The following SH3RF1 variants were observed in gnomAD, a reference collection of about 807,000 sequenced individuals.
SH3RF1 encodes the protein E3 ubiquitin-protein ligase SH3RF1.
In SH3RF1, 32 loss-of-function variants were observed where a neutral mutation model predicts 74.0. The ratio of observed to expected loss-of-function variants is 0.43; its 90% confidence interval spans 0.33 to 0.58. The LOEUF is 0.58. Among genes scored for constraint, SH3RF1 ranks in the 20% least tolerant of loss-of-function variants. The pLI, the probability that SH3RF1 is intolerant of heterozygous loss-of-function variation, is 0.05. For missense variants in SH3RF1, 954 were observed against 1,130.9 expected (o/e 0.84, Z 2.24); for synonymous variants, 396 against 439.6 (o/e 0.90, Z 1.24).
chr4:169,244,508 C>T (rs1401709838), intron 2 of SH3RF1, among the ~76,000 whole-genome samples: 3 of 151,996 alleles, frequency 2.0e-5, no homozygotes, highest in East Asian at 1.9e-4. Context: ...CACACTACAC[C>T]GTCAATGGCA....
chr4:169,186,856 A>G (rs1478143075), intron 2 of SH3RF1, among the ~76,000 whole-genome samples: 1 of 150,056 alleles, frequency 6.7e-6, no homozygotes, highest in Admixed American at 6.6e-5. Flanking sequence ...AATACAAAAA[A>G]AAAAAAAATT....
intron 2 of SH3RF1, among the ~76,000 whole-genome samples, chr4:169,218,541 T>C (rs1024756328): frequency 6.7e-6 from 1 of 149,666 alleles, no homozygotes; most frequent in African/African-American, 2.5e-5. Flanking sequence ...ACTGGCCTGG[T>C]GCAAAAACTC....
chr4:169,110,691 T>C (rs939121057), intron 10 of SH3RF1, among the ~76,000 whole-genome samples: 6 of 151,694 alleles, frequency 4.0e-5, no homozygotes, highest in Non-Finnish European at 8.8e-5. Flanking sequence ...TAAGGGAGAG[T>C]CATTGGGAAT....
In SH3RF1 at chr4:169,116,425, A is replaced by C. The variant is rs376019289; in HGVS notation, c.1983T>G (p.Ala661=). Residue 661 remains alanine, a synonymous_variant, in exon 10 of 12, where the codon GCT becomes GCG. Coordinates refer to ENST00000284637, the MANE Select transcript of SH3RF1 (RefSeq NM_020870.4). The stretch of plus-strand genomic sequence containing the variant: ...TGATGCTTGGGGAAGTCAGTGGAGC[A>C]GCTGCTGCACAGGCCAGAGGGGCAC... The part of the protein sequence containing the change: ...RASAPLACAA[A]APLTSPSITS... The C allele has an allele frequency of 9.9e-6, 16 of 1,614,066 alleles. No homozygotes were observed. The highest frequency in any genetic ancestry group is 1.4e-5 in the Non-Finnish European group (16 of 1,180,034).
At chr4:169,190,588 CA>C (rs752110476) in intron 2 of SH3RF1, among the ~76,000 whole-genome samples, 101 of 136,636 alleles carry the variant, frequency 7.4e-4, no homozygotes, top group East Asian at 2.8e-3. Context: ...TTAAAATTAC[CA>C]AAAAAAAAAA....
rs759145576 is a variant in SH3RF1, at chr4:169,116,469, T to C, written c.1939A>G (p.Ile647Val). ...MPGSATHTAA[I>V]SISRASAPLA... is the part of the protein sequence containing the mutation. Reference sequence around the variant, plus strand: ...GGGGCACTGGCTCGACTGATACTGATGGCAGCAGTGTGCGTGGCTGAGCCT... The same window carrying C: ...GGGGCACTGGCTCGACTGATACTGACGGCAGCAGTGTGCGTGGCTGAGCCT... Residue 647 changes from isoleucine (I) to valine (V), a missense_variant, in exon 10 of 12, where the codon ATC becomes GTC. This residue lies in a region of SH3RF1 where 854 missense variants were observed against 962.5 expected (regional missense o/e 0.89). Transcript: ENST00000284637. The C allele has an allele frequency of 3.7e-6, 6 of 1,614,046 alleles. No homozygotes were observed. In the East Asian group the frequency reaches 8.9e-5, roughly 24 times the overall value.
At chr4:169,238,938 G>C (rs918943905) in intron 2 of SH3RF1, among the ~76,000 whole-genome samples, 3 of 147,828 alleles carry the variant, frequency 2.0e-5, no homozygotes, top group African/African-American at 7.4e-5. Flanking sequence ...AAAACTGACA[G>C]GTAAATGACT....
intron 2 of SH3RF1, among the ~76,000 whole-genome samples, chr4:169,249,097 G>A (rs1467401281): frequency 3.9e-5 from 6 of 152,082 alleles, no homozygotes; most frequent in African/African-American, 1.4e-4. Flanking sequence ...GCATGGTGGT[G>A]GGCGCCTGTA....
At chr4:169,230,138 A>G (rs1275713553) in intron 2 of SH3RF1, among the ~76,000 whole-genome samples, 1 of 152,200 alleles carries the variant, frequency 6.6e-6, no homozygotes, top group Non-Finnish European at 1.5e-5. Flanking sequence ...CCAGGGGCGG[A>G]GGCTGCAGTG....
In SH3RF1 at chr4:169,107,125, G is replaced by A; in HGVS notation, c.2220C>T (p.Pro740=). The part of the protein sequence containing the change: ...RKPRVSPPAS[P]TLEVELGSAE... ...CACTGCCCAGCTCCACTTCTAGGGTGGGCGATGCTGGAGGAGACACGCGGG... is the reference window on the plus strand; with the variant it reads ...CACTGCCCAGCTCCACTTCTAGGGTAGGCGATGCTGGAGGAGACACGCGGG... The change falls in exon 11 of 12, where the codon CCC becomes CCT. Residue 740 remains proline (P), a synonymous_variant. Transcript: ENST00000284637. The A allele has an allele frequency of 1.9e-6, 3 of 1,611,006 alleles. No individual in the cohort carries two copies. Among genetic ancestry groups the A allele is most frequent in the Non-Finnish European group, 8.5e-7 (1 of 1,177,902 alleles).
At chr4:169,181,344 C>T (rs1415592717) in intron 2 of SH3RF1, among the ~76,000 whole-genome samples, 1 of 147,138 alleles carries the variant, frequency 6.8e-6, no homozygotes, top group Non-Finnish European at 1.5e-5. Context: ...TTCACTGCAA[C>T]CTCCGCCTTC....
Position 169,138,245 on chromosome 4 carries a change from C to T in SH3RF1, c.766-1625G>A, listed in dbSNP as rs565423258. Reference sequence around the variant, plus strand: ...ATGCTTTATATTATAGTGGGAGTGGCCTGAACCTCACTGTAGAGCTCTAAT... The same window carrying T: ...ATGCTTTATATTATAGTGGGAGTGGTCTGAACCTCACTGTAGAGCTCTAAT... On this transcript the variant is annotated intron_variant, in intron 4 of 11. Coordinates refer to ENST00000284637, the MANE Select transcript of SH3RF1 (RefSeq NM_020870.4). Among the ~76,000 whole-genome samples the T allele has an allele frequency of 8.5e-5, 13 of 152,264 alleles. No individual in the cohort carries two copies. The East Asian group carries it at 2.5e-3, about 29-fold the overall frequency.
chr4:169,161,546 ATT>A (rs1734148342), intron 2 of SH3RF1, among the ~76,000 whole-genome samples: 1 of 152,224 alleles, frequency 6.6e-6, no homozygotes, highest in Non-Finnish European at 1.5e-5. Context: ...TTCACTGCCA[ATT>A]TATTTTATAG....
At chr4:169,235,847 C>A (rs2660400) in intron 2 of SH3RF1, among the ~76,000 whole-genome samples, 69,844 of 151,612 alleles carry the variant, frequency 0.46, 17,328 homozygotes, top group East Asian at 0.77. Flanking sequence ...GGACTGGCTA[C>A]TTTTTGTGTT....
chr4:169,255,158 G>A (rs1159188963), intron 2 of SH3RF1, among the ~76,000 whole-genome samples: 5 of 152,118 alleles, frequency 3.3e-5, no homozygotes, highest in African/African-American at 1.2e-4. Flanking sequence ...CCCAGTAGAT[G>A]ACCATTTTCA....
At chr4:169,210,598 G>A (rs1337273106) in intron 2 of SH3RF1, among the ~76,000 whole-genome samples, 1 of 152,094 alleles carries the variant, frequency 6.6e-6, no homozygotes, top group Non-Finnish European at 1.5e-5. Flanking sequence ...GTTAAATTAA[G>A]TTTAGCCTAA....
intron 2 of SH3RF1, among the ~76,000 whole-genome samples, chr4:169,172,976 TCTAAAA>T (rs2126974201): frequency 6.6e-6 from 1 of 152,304 alleles, no homozygotes; most frequent in African/African-American, 2.4e-5. Flanking sequence ...CAGATATTAC[TCTAAAA>T]CTAAAATGTG....
intron 2 of SH3RF1, among the ~76,000 whole-genome samples, chr4:169,213,057 C>A (rs1353713510): frequency 6.6e-6 from 1 of 152,202 alleles, no homozygotes; most frequent in Non-Finnish European, 1.5e-5. Context: ...AAACACCAAG[C>A]AATGCACTAG....
At chr4:169,174,692 C>T (rs2126975209) in intron 2 of SH3RF1, among the ~76,000 whole-genome samples, 1 of 152,286 alleles carries the variant, frequency 6.6e-6, no homozygotes, top group Middle Eastern at 3.4e-3. Context: ...TCAACCCTGA[C>T]TGCATATTAG....
Sources: gnomAD v4.1 joint callset for allele counts (sites outside exome capture counted in the v4.1 genomes callset) on GRCh38, gnomAD v4.1.1 for gene constraint, gnomAD v4.1.1 regional missense constraint, MANE v1.5 for transcripts, NCBI Gene and HGNC (gene_info 2026-07-23, HGNC 2026-07-21) for gene names.